The following NLRP5 variants were observed in gnomAD, a reference collection of about 807,000 sequenced individuals.
NLRP5 encodes NACHT, LRR and PYD domains-containing protein 5.
In NLRP5, 93 loss-of-function variants were observed where a neutral mutation model predicts 113.1. That is an observed-to-expected ratio of 0.82 (90% CI 0.70 to 0.98). NLRP5 has a LOEUF of 0.98. Among genes scored for constraint, NLRP5 ranks in the 50% least tolerant of loss-of-function variants. The pLI, the probability that NLRP5 is intolerant of heterozygous loss-of-function variation, is 0.00. For missense variants in NLRP5, 1,808 were observed against 1,514.3 expected (o/e 1.19, Z -3.22); for synonymous variants, 751 against 600.7 (o/e 1.25, Z -3.66).
chr19:56,054,522 C>T (rs1235174382), intron 13 of NLRP5, among the ~76,000 whole-genome samples: 1 of 149,554 alleles, frequency 6.7e-6, no homozygotes, highest in Non-Finnish European at 1.5e-5. Context: ...CACACCACTG[C>T]ACTCCAGCTT....
In NLRP5 at chr19:56,018,386, G is replaced by C. The variant is rs147800784; in HGVS notation, c.566-956G>C. ...TATTTCCTGATAAATATATATAGTG[G>C]TTATTCTCAGTCAGTGGTAGCTACT... On this transcript the variant is annotated intron_variant, in intron 4 of 14. Transcript: ENST00000390649. Among the ~76,000 whole-genome samples, 213 of 152,188 alleles carry C rather than the reference G, an allele frequency of 1.4e-3. 4 individuals carry two copies. The East Asian group carries it at 0.036, about 26-fold the overall frequency.
intron 4 of NLRP5, chr19:56,018,655 A>G (rs1052786751): frequency 3.3e-5 from 5 of 152,306 alleles, no homozygotes; most frequent in African/African-American, 9.7e-5. Flanking sequence ...GTGGCTATCC[A>G]CAAGCATGAC....
At chr19:56,046,491 G>A (rs1438728660) in intron 11 of NLRP5, among the ~76,000 whole-genome samples, 1 of 151,076 alleles carries the variant, frequency 6.6e-6, no homozygotes, top group Non-Finnish European at 1.5e-5. Flanking sequence ...ATTAGGGAGG[G>A]TTCCTTCTTT....
chr19:55,988,746 A>G, the NLRP5 span: 1 of 152,032 alleles, frequency 6.6e-6, no homozygotes, highest in African/African-American at 2.4e-5. Flanking sequence ...GAAATGTTTA[A>G]TTCAAATTAC....
At chr19:55,990,079 C>CTTTTCTTTTCTTTT in the NLRP5 span, among the ~76,000 whole-genome samples, 1 of 95,958 alleles carries the variant, frequency 1.0e-5, no homozygotes, top group Admixed American at 1.3e-4. Context: ...TTTCTTTTTT[C>CTTTTCTTTTCTTTT]TTTTTTTTTT....
At chr19:56,006,534 C>A (rs1318304248) in intron 2 of NLRP5, among the ~76,000 whole-genome samples, 2 of 151,794 alleles carry the variant, frequency 1.3e-5, no homozygotes. Flanking sequence ...GAGTTTGAGA[C>A]CAGCCTGGCC....
intron 1 of NLRP5, among the ~76,000 whole-genome samples, chr19:56,000,680 CAT>C (rs925439849): frequency 1.3e-5 from 2 of 151,146 alleles, no homozygotes; most frequent in African/African-American, 4.9e-5. Flanking sequence ...TCTTGTAAAG[CAT>C]ATTAAATTAC....
In NLRP5 at chr19:56,042,120, A is replaced by C. The variant is rs7255920; in HGVS notation, c.2957+1028A>C. On this transcript the variant is annotated intron_variant, in intron 11 of 14. Coordinates refer to ENST00000390649, the MANE Select transcript of NLRP5 (RefSeq NM_153447.4). Reference sequence around the variant, plus strand: ...TCAAGTTCTTCTCTGCTCTGCACACATGCATGACCAGGAAGGACTGAGCAC... The same window carrying C: ...TCAAGTTCTTCTCTGCTCTGCACACCTGCATGACCAGGAAGGACTGAGCAC... 5.9e-5 allele frequency among the ~76,000 whole-genome samples: 9 copies of C among 152,226 alleles called. No homozygotes were observed. The East Asian group carries it at 1.7e-3, about 29-fold the overall frequency.
At chr19:56,042,535 G>A (rs1276052693) in intron 11 of NLRP5, among the ~76,000 whole-genome samples, 3 of 152,154 alleles carry the variant, frequency 2.0e-5, no homozygotes, top group African/African-American at 7.2e-5. Context: ...TTTTAGTAGA[G>A]GCAGGGTTTC....
upstream of NLRP5, among the ~76,000 whole-genome samples, chr19:55,998,866 A>T (rs947522908): frequency 6.6e-6 from 1 of 151,544 alleles, no homozygotes; most frequent in African/African-American, 2.4e-5. Flanking sequence ...ATATATGTAT[A>T]CATGGCAGAA....
chr19:56,024,455 G>A (rs149263952), intron 6 of NLRP5, among the ~76,000 whole-genome samples: 5 of 141,544 alleles, frequency 3.5e-5, no homozygotes, highest in East Asian at 4.1e-4. Flanking sequence ...TTATATATAC[G>A]TACATACATA....
the NLRP5 span, chr19:55,987,846 T>G: frequency 1.9e-6 from 3 of 1,613,876 alleles, no homozygotes; most frequent in East Asian, 2.2e-5. Flanking sequence ...ATAACTAGCT[T>G]CTCCCCAACT....
intron 6 of NLRP5, among the ~76,000 whole-genome samples, chr19:56,024,400 A>G (rs1286648694): frequency 8.1e-6 from 1 of 123,812 alleles, no homozygotes; most frequent in Non-Finnish European, 1.7e-5. Context: ...ATATACATAT[A>G]TGTACATATA....
intron 9 of NLRP5, among the ~76,000 whole-genome samples, 155 bp downstream of exon 9, chr19:56,033,864 T>G (rs1341470006): frequency 6.6e-6 from 1 of 152,206 alleles, no homozygotes; most frequent in Non-Finnish European, 1.5e-5. Context: ...GCCACTGAAT[T>G]GCACACCTAA....
At chr19:56,019,770 C>T (rs1568487717) in intron 5 of NLRP5, among the ~76,000 whole-genome samples, 1 of 151,852 alleles carries the variant, frequency 6.6e-6, no homozygotes, top group Non-Finnish European at 1.5e-5. Flanking sequence ...CTAATATGTA[C>T]ATGAATACCT....
At chr19:56,001,229 G>A (rs1981634920) in intron 1 of NLRP5, among the ~76,000 whole-genome samples, 1 of 149,194 alleles carries the variant, frequency 6.7e-6, no homozygotes. Flanking sequence ...GAAGGCTGAG[G>A]TGGGAAGCTT....
chr19:56,044,429 C>A (rs1349965520), intron 11 of NLRP5, among the ~76,000 whole-genome samples: 1 of 152,220 alleles, frequency 6.6e-6, no homozygotes, highest in Non-Finnish European at 1.5e-5. Flanking sequence ...CATTCTCCGA[C>A]ATGTGGCTAG....
chr19:56,003,770 T>C lies in NLRP5; in HGVS notation c.117T>C (p.Leu39=). 6.2e-7 allele frequency: 1 copy of C among 1,613,740 alleles called. No homozygotes were observed. The highest frequency in any genetic ancestry group is 8.5e-7 in the Non-Finnish European group (1 of 1,179,826). The change falls in exon 2 of 15, where the codon CTT becomes CTC. Residue 39 remains leucine, a synonymous_variant. Coordinates refer to ENST00000390649, the MANE Select transcript of NLRP5 (RefSeq NM_153447.4). ...GCTCTATATTACCAAAGAATCCACT[T>C]TTCCCCCAAAACCTGAGCTCTCAGC...
At chr19:56,056,129 C>T (rs2123343525) in intron 13 of NLRP5, among the ~76,000 whole-genome samples, 1 of 152,290 alleles carries the variant, frequency 6.6e-6, no homozygotes, top group Non-Finnish European at 1.5e-5. Flanking sequence ...TGCGCACCTA[C>T]CTTGTTCTAC....
Sources: gnomAD v4.1 joint callset for allele counts (sites outside exome capture counted in the v4.1 genomes callset) on GRCh38, gnomAD v4.1.1 for gene constraint, MANE v1.5 for transcripts, NCBI Gene and HGNC (gene_info 2026-07-23, HGNC 2026-07-21) for gene names.